MCM3AP: variants seen among roughly 807,000 people sequenced by gnomAD.
MCM3AP encodes the protein minichromosome maintenance complex component 3 associated protein, also known as germinal-center associated nuclear protein.
Under a neutral mutation model 184.1 loss-of-function variants are expected in MCM3AP, and 126 were observed. That is an observed-to-expected ratio of 0.68 (90% CI 0.59 to 0.79). The LOEUF (loss-of-function observed/expected upper bound fraction) is 0.79, where lower values mean the gene tolerates loss of function less well. MCM3AP is among the 30% of genes least tolerant of loss of function. The pLI is 0.00. For missense variants in MCM3AP, 2,496 were observed against 2,479.2 expected (o/e 1.01, Z -0.14); for synonymous variants, 1,002 against 979.3 (o/e 1.02, Z -0.43).
rs1257930540 is a variant in MCM3AP, at chr21:46,272,636, C to T, written c.2390G>A (p.Gly797Asp). 1.9e-6 allele frequency: 3 copies of T among 1,614,196 alleles called. No homozygotes were observed. Among genetic ancestry groups the T allele is most frequent in the Non-Finnish European group, 8.5e-7 (1 of 1,180,026 alleles). ...KEMYQDLRNK[G>D]VFCASEAEFQ... is the part of the protein sequence containing the mutation. ...CTCCGCTTCGCTGGCACAGAAGACA[C>T]CCTTGTTTCTCAGGTCCTGGTACAT... Residue 797 changes from glycine to aspartate, a missense_variant, in exon 8 of 28, where the codon GGT becomes GAT. Physicochemically the swap from Gly to Asp is moderately conservative, Grantham distance 94. This residue lies in a region of MCM3AP where 105 missense variants were observed against 97.1 expected (regional missense o/e 1.08). Coordinates refer to ENST00000291688, the MANE Select transcript of MCM3AP (RefSeq NM_003906.5).
intron 11 of MCM3AP, 87 bp downstream of exon 11, chr21:46,265,838 G>A (rs1014780198): frequency 8.2e-6 from 12 of 1,469,092 alleles, no homozygotes; most frequent in South Asian, 1.5e-5. Flanking sequence ...GCGTCCTGGC[G>A]AGAAAATGCA....
At chr21:46,271,761 T>A (rs1244851371) in intron 8 of MCM3AP, among the ~76,000 whole-genome samples, 1 of 151,904 alleles carries the variant, frequency 6.6e-6, no homozygotes, top group East Asian at 1.9e-4. Context: ...CTCAGGAGAC[T>A]GAGGCAAGAG....
intron 4 of MCM3AP, among the ~76,000 whole-genome samples, chr21:46,278,862 A>G (rs2081288288): frequency 6.6e-6 from 1 of 151,496 alleles, no homozygotes; most frequent in Admixed American, 6.6e-5. Context: ...TTTAGTAGAG[A>G]TGGGGTTTCA....
At chr21:46,265,252 G>T (rs1849194683) in intron 12 of MCM3AP, 69 bp downstream of exon 12, 1 of 1,446,704 alleles carries the variant, frequency 6.9e-7, no homozygotes, top group Non-Finnish European at 9.6e-7. Flanking sequence ...ACCTCATGGG[G>T]TGATGACTAA....
intron 18 of MCM3AP, 58 bp downstream of exon 18, chr21:46,254,718 G>T: frequency 1.3e-6 from 2 of 1,526,358 alleles, no homozygotes; most frequent in Non-Finnish European, 9.1e-7. Flanking sequence ...CTGCCAGTGT[G>T]ACAGATTGGG....
rs377042270 is a variant in MCM3AP, at chr21:46,246,929, C to T, written c.4291-43G>A. ...TCATCAGGAGAGATGCACCATGGGA[C>T]GCATCAGCAGTGACTGATCTGCCCC... On this transcript the variant is annotated intron_variant, in intron 20 of 27. Coordinates refer to ENST00000291688, the MANE Select transcript of MCM3AP (RefSeq NM_003906.5). 140 of 1,598,564 alleles carry T rather than the reference C, an allele frequency of 8.8e-5. 2 individuals carry two copies. The South Asian group carries it at 1.3e-3, about 15-fold the overall frequency.
intron 20 of MCM3AP, among the ~76,000 whole-genome samples, chr21:46,247,481 A>ACTCAAGCAATTCTCCTGCCTCACCCTCCC (rs1555909468): frequency 6.7e-6 from 1 of 149,614 alleles, no homozygotes; most frequent in Non-Finnish European, 1.5e-5. Flanking sequence ...TGCCTCCTGG[A>ACTCAAGCAATTCTCCTGCCTCACCCTCCC]TAGTAGCTGG....
upstream of MCM3AP, chr21:46,286,067 G>A (rs1004230499): frequency 2.6e-5 from 4 of 152,254 alleles, no homozygotes; most frequent in African/African-American, 9.6e-5. Flanking sequence ...CGCTCCGTTA[G>A]CGACGATGTG....
At position 46,260,996 on chromosome 21, in the gene MCM3AP, T is replaced by C. The variant is rs2081034032; in HGVS notation, c.3468-90A>G. 2.0e-5 allele frequency: 22 copies of C among 1,075,730 alleles called. No individual in the cohort carries two copies. The South Asian group carries it at 2.8e-4, about 14-fold the overall frequency. The allele number at this position is 1,075,730 out of a possible 1,614,324, so 66.6% of individuals were successfully genotyped here. ...TACTCCCTGGCCACGCAGACAGGGA[T>C]TGAGGTGTGCTGCCTGAGTCGGTAG... On this transcript the variant is annotated intron_variant, in intron 14 of 27. Coordinates refer to ENST00000291688, the MANE Select transcript of MCM3AP (RefSeq NM_003906.5).
Position 46,272,659 on chromosome 21 carries a change from C to G in MCM3AP, c.2367G>C (p.Met789Ile). ...MTKCLQSLKE[M>I]YQDLRNKGVF... ...CACCCTTGTTTCTCAGGTCCTGGTA[C>G]ATCTCCTTCAGGCTCTGCAGGCACT... is the stretch of plus-strand genomic sequence containing the variant. The change falls in exon 8 of 28, where the codon ATG (methionine) becomes ATC (isoleucine). Residue 789 changes from methionine (M) to isoleucine (I), a missense_variant. Transcript: ENST00000291688. 2 of 1,614,220 alleles carry G rather than the reference C, an allele frequency of 1.2e-6. No individual in the cohort carries two copies. The highest frequency in any genetic ancestry group is 1.7e-6 in the Non-Finnish European group (2 of 1,180,036).
chr21:46,266,029 C>T lies in MCM3AP; in HGVS notation c.2927G>A (p.Arg976His), dbSNP rs1205214713. Residue 976 changes from arginine to histidine, a missense_variant, in exon 11 of 28, where the codon CGT becomes CAT. Physicochemically the swap from Arg to His is conservative, Grantham distance 29. This residue lies in a region of MCM3AP where 1,323 missense variants were observed against 1,273.4 expected (regional missense o/e 1.04). Coordinates refer to ENST00000291688, the MANE Select transcript of MCM3AP (RefSeq NM_003906.5). ...VNGGPLPPVP[R>H]HTPVCSFNSQ... ...GTTGAAGCTGCACACAGGGGTATGA[C>T]GAGGGACGGGGGGCAATGGCCCTCC... 1.3e-5 allele frequency: 21 copies of T among 1,611,834 alleles called. No homozygotes were observed. The highest frequency in any genetic ancestry group is 1.7e-5 in the Non-Finnish European group (20 of 1,179,104).
At chr21:46,249,860 T>C (rs943712797) in intron 20 of MCM3AP, 24 of 221,178 alleles carry the variant, frequency 1.1e-4, no homozygotes, top group South Asian at 6.7e-4. Flanking sequence ...CTGAGTAAAA[T>C]AGGGATAATA....
chr21:46,235,477 G>A (rs753148752), intron 27 of MCM3AP, 51 bp from the exon 28 acceptor site: 13 of 1,499,458 alleles, frequency 8.7e-6, no homozygotes, highest in African/African-American at 6.9e-5. Flanking sequence ...AATAAACCAC[G>A]ACCTATCTCT....
rs2081106388 is a variant in MCM3AP, at chr21:46,265,965, C to T, written c.2991G>A (p.Glu997=). The T allele has an allele frequency of 3.1e-6, 5 of 1,600,712 alleles. No individual in the cohort carries two copies. Among genetic ancestry groups the T allele is most frequent in the Middle Eastern group, 1.7e-4 (1 of 6,040 alleles). The stretch of plus-strand genomic sequence containing the variant: ...CGGGTCTCTGGGTGCTGACGGGCAG[C>T]TCCGCGGCCAGGCTCTCCCCGATGT... ...NKYIGESLAA[E]LPVSTQRPGS... Residue 997 remains glutamate, a synonymous_variant, in exon 11 of 28, where the codon GAG becomes GAA. Transcript: ENST00000291688.
rs752360965 is a variant in MCM3AP at position 46,256,772 on chromosome 21, C to T, written c.3932+17G>A. On this transcript the variant is annotated intron_variant, in intron 17 of 27. Transcript: ENST00000291688. ...GGCAGGGGAGCCCTGACGAGGCAGG[C>T]GACAGCTGATGCTGACCTGGTGCAG... 17 of 1,541,880 alleles carry T rather than the reference C, an allele frequency of 1.1e-5. No individual in the cohort carries two copies. The highest frequency in any genetic ancestry group is 4.9e-5 in the East Asian group (2 of 40,778).
In MCM3AP at chr21:46,275,481, C is replaced by G. The variant is rs2839191; in HGVS notation, c.1859-156G>C. On this transcript the variant is annotated intron_variant, in intron 5 of 27. Transcript: ENST00000291688. ...CATTTGTAAAACTCAGAGCCTCAGA[C>G]AAAGAGGACTTATGGTCTATTATGC... is the stretch of plus-strand genomic sequence containing the variant. Among the ~76,000 whole-genome samples the G allele has an allele frequency of 0.41, 62,536 of 151,718 alleles. 13,296 individuals are homozygous for G. Among genetic ancestry groups the G allele is most frequent in the Admixed American group, 0.48 (7,342 of 15,276 alleles).
chr21:46,255,069 C>T (rs1049955550), intron 17 of MCM3AP, among the ~76,000 whole-genome samples: 4 of 152,196 alleles, frequency 2.6e-5, no homozygotes, highest in Non-Finnish European at 5.9e-5. Flanking sequence ...AGAACATAGG[C>T]TCTAATGGGG....
intron 13 of MCM3AP, among the ~76,000 whole-genome samples, chr21:46,263,780 C>CAAAAAAAAAAAAAAAAAA (rs57674256): frequency 7.1e-5 from 2 of 28,330 alleles, no homozygotes; most frequent in African/African-American, 3.6e-4. Flanking sequence ...GACTCCATCT[C>CAAAAAAAAAAAAAAAAAA]AAAAAAAAAA....
chr21:46,251,782 T>C, intron 19 of MCM3AP, 100 bp from the exon 20 acceptor site: 1 of 680,192 alleles, frequency 1.5e-6, no homozygotes, highest in Non-Finnish European at 2.4e-6. Flanking sequence ...AAGAAAAATA[T>C]CACACAGACC....
Sources: gnomAD v4.1 joint callset for allele counts (sites outside exome capture counted in the v4.1 genomes callset) on GRCh38, gnomAD v4.1.1 for gene constraint, gnomAD v4.1.1 regional missense constraint, MANE v1.5 for transcripts, NCBI Gene and HGNC (gene_info 2026-07-23, HGNC 2026-07-21) for gene names.